The following RYR3 variants were observed in gnomAD, a reference collection of about 807,000 sequenced individuals.
RYR3 encodes the protein brain ryanodine receptor-calcium release channel.
A neutral mutation model predicts 584.3 loss-of-function variants in RYR3; 207 were observed. The observed-to-expected ratio is 0.35, with a 90% CI of 0.32 to 0.40. The LOEUF is 0.40. RYR3 is among the 10% of genes least tolerant of loss of function. RYR3 has a pLI of 1.00. For missense variants in RYR3, 5,616 were observed against 6,089.2 expected (o/e 0.92, Z 2.59); for synonymous variants, 2,416 against 2,248.5 (o/e 1.07, Z -2.11).
In RYR3 at chr15:33,796,371, C is replaced by T. The variant is rs537638778; in HGVS notation, c.9831-4399C>T. Among the ~76,000 whole-genome samples, 7 of 152,020 alleles carry T rather than the reference C, an allele frequency of 4.6e-5. No homozygotes were observed. In the East Asian group the frequency reaches 5.8e-4, roughly 13 times the overall value. On this transcript the variant is annotated intron_variant, in intron 67 of 103. Coordinates refer to ENST00000634891, the MANE Select transcript of RYR3 (RefSeq NM_001036.6). ...CTGGTCTTGAAGTCCTGACATGAGG[C>T]GATTCACCCACCTTGGCCTCCCAAA...
chr15:33,859,493 C>T (rs144874799), intron 99 of RYR3, 82 bp from the exon 100 acceptor site: 20 of 1,516,704 alleles, frequency 1.3e-5, no homozygotes, highest in African/African-American at 9.6e-5. Flanking sequence ...ACAATCTGAC[C>T]GAATCATATG....
At chr15:33,587,171 A>C (rs908200263) in intron 16 of RYR3, among the ~76,000 whole-genome samples, 3 of 152,226 alleles carry the variant, frequency 2.0e-5, no homozygotes, top group African/African-American at 7.2e-5. Flanking sequence ...AAAGAAATAC[A>C]TGGGATCTGA....
chr15:33,741,147 G>T (rs1486901660), intron 51 of RYR3, among the ~76,000 whole-genome samples: 1 of 152,250 alleles, frequency 6.6e-6, no homozygotes, highest in Non-Finnish European at 1.5e-5. Context: ...ATTTATTCCA[G>T]TGTACCTGTG....
At chr15:33,741,956 G>C (rs1447945447) in intron 51 of RYR3, among the ~76,000 whole-genome samples, 2 of 152,144 alleles carry the variant, frequency 1.3e-5, no homozygotes, top group Non-Finnish European at 2.9e-5. Flanking sequence ...AGCCCCAAAA[G>C]GTAGAAAACC....
At chr15:33,447,658 T>C (rs534938941) in intron 1 of RYR3, among the ~76,000 whole-genome samples, 1 of 152,290 alleles carries the variant, frequency 6.6e-6, no homozygotes, top group South Asian at 2.1e-4. Context: ...TACATGTAGC[T>C]AGGCAAAGTT....
At chr15:33,393,033 C>G (rs28760453) in intron 1 of RYR3, among the ~76,000 whole-genome samples, 38,506 of 152,102 alleles carry the variant, frequency 0.25, 5,028 homozygotes, top group Non-Finnish European at 0.27. Context: ...CTGAAAACAG[C>G]CTCCTCTAAG....
chr15:33,385,744 C>T (rs1202394112), intron 1 of RYR3, among the ~76,000 whole-genome samples: 1 of 132,930 alleles, frequency 7.5e-6, no homozygotes, highest in African/African-American at 2.8e-5. Flanking sequence ...CACTCTGTAG[C>T]CCAGGCTGGA....
intron 28 of RYR3, among the ~76,000 whole-genome samples, chr15:33,646,078 C>T (rs1275293302): frequency 6.6e-6 from 1 of 152,208 alleles, no homozygotes; most frequent in African/African-American, 2.4e-5. Flanking sequence ...AGATGCCACC[C>T]CCCTCTGGCA....
chr15:33,598,246 CAAAAA>C (rs35785154), intron 16 of RYR3, among the ~76,000 whole-genome samples: 1 of 74,312 alleles, frequency 1.3e-5, no homozygotes. Context: ...AAAAATTGCT[CAAAAA>C]AAAAAAAAAA....
intron 1 of RYR3, among the ~76,000 whole-genome samples, chr15:33,327,955 C>A (rs1052903129): frequency 6.6e-6 from 1 of 152,164 alleles, no homozygotes; most frequent in East Asian, 1.9e-4. Context: ...AGGTTATATT[C>A]TGAGTTAGAC....
chr15:33,332,311 C>G (rs1329162319), intron 1 of RYR3, among the ~76,000 whole-genome samples: 2 of 152,038 alleles, frequency 1.3e-5, no homozygotes, highest in Non-Finnish European at 2.9e-5. Context: ...GTTTAATTGG[C>G]ATGCGTCTGA....
In RYR3 at chr15:33,748,524, G is replaced by A; in HGVS notation, c.8193G>A (p.Glu2731=). 1 of 1,612,478 alleles carries A rather than the reference G, an allele frequency of 6.2e-7. No homozygotes were observed. The highest frequency in any genetic ancestry group is 8.5e-7 in the Non-Finnish European group (1 of 1,179,268). The change falls in exon 55 of 104, where the codon GAG becomes GAA. Residue 2731 remains glutamate (E), a synonymous_variant. Coordinates refer to ENST00000634891, the MANE Select transcript of RYR3 (RefSeq NM_001036.6). ...LDLSNVVLSR[E]LQGMVEVVAE... Reference sequence around the variant, plus strand: ...TCTCAAACGTTGTGCTCTCCAGAGAGCTCCAGGTCAGTGCCCCAGGTCCAG... The same window carrying A: ...TCTCAAACGTTGTGCTCTCCAGAGAACTCCAGGTCAGTGCCCCAGGTCCAG...
At chr15:33,535,228 G>T (rs182785352) in intron 5 of RYR3, among the ~76,000 whole-genome samples, 1 of 152,330 alleles carries the variant, frequency 6.6e-6, no homozygotes, top group Non-Finnish European at 1.5e-5. Context: ...GAAGGATCCA[G>T]GTTGCCTAAT....
chr15:33,857,975 C>G (rs1426183083), intron 99 of RYR3, 61 bp downstream of exon 99: 47 of 1,601,256 alleles, frequency 2.9e-5, no homozygotes, highest in South Asian at 2.3e-4. Flanking sequence ...GCCCCACCAC[C>G]TCACTGGGAA....
rs1470358524 is a variant in RYR3, at chr15:33,320,497, T to C, written c.51+9401T>C. 2.0e-5 allele frequency among the ~76,000 whole-genome samples: 3 copies of C among 152,336 alleles called. No homozygotes were observed. In the East Asian group the frequency reaches 5.8e-4, roughly 29 times the overall value. On this transcript the variant is annotated intron_variant, in intron 1 of 103. Coordinates refer to ENST00000634891, the MANE Select transcript of RYR3 (RefSeq NM_001036.6). ...GAAAAAGACATCTTAATGTTTGTTG[T>C]TTTTGACAGCTCAGGGTCAAGAGGG...
chr15:33,471,746 AG>A (rs1442391982), intron 1 of RYR3, among the ~76,000 whole-genome samples: 1 of 151,988 alleles, frequency 6.6e-6, no homozygotes, highest in African/African-American at 2.4e-5. Flanking sequence ...ATTTCTCAAT[AG>A]GGGGTATTCT....
At chr15:33,711,135 A>G (rs980856848) in intron 43 of RYR3, among the ~76,000 whole-genome samples, 4 of 150,314 alleles carry the variant, frequency 2.7e-5, no homozygotes, top group African/African-American at 9.8e-5. Flanking sequence ...AAACTTTTAC[A>G]CTCTGTTCTT....
intron 13 of RYR3, among the ~76,000 whole-genome samples, chr15:33,580,845 A>G (rs529598660): frequency 2.0e-5 from 3 of 152,308 alleles, no homozygotes; most frequent in Non-Finnish European, 2.9e-5. Flanking sequence ...CAGTCTTCTG[A>G]TCTAACCAGA....
Position 33,857,865 on chromosome 15 carries a change from A to C in RYR3, c.14093A>C (p.Lys4698Thr). The change falls in exon 99 of 104, where the codon AAA becomes ACA. Residue 4698 changes from lysine (K) to threonine (T), a missense_variant. By Grantham distance (78) the Lys-to-Thr change is moderately conservative. Around this residue, in one of 9 missense-constraint regions of RYR3, gnomAD observed 918 missense variants for 887.4 expected, o/e 1.03. Coordinates refer to ENST00000634891, the MANE Select transcript of RYR3 (RefSeq NM_001036.6). ...AFNFFRKFYN[K>T]SEDDDEPDMK... ...AACTTCTTCCGCAAGTTCTACAACA[A>C]AAGCGAAGACGATGACGAGCCCGAT... The C allele has an allele frequency of 6.2e-7, 1 of 1,614,190 alleles. No individual in the cohort carries two copies. Among genetic ancestry groups the C allele is most frequent in the Non-Finnish European group, 8.5e-7 (1 of 1,180,042 alleles).
Sources: allele counts gnomAD v4.1 joint callset (sites outside exome capture counted in the v4.1 genomes callset), GRCh38; gene constraint gnomAD v4.1.1; regional missense constraint gnomAD v4.1.1; transcripts MANE v1.5; gene names NCBI Gene and HGNC (gene_info 2026-07-23, HGNC 2026-07-21).